The following MORN5 variants were observed in gnomAD, a reference collection of about 807,000 sequenced individuals.
The protein encoded by MORN5 is MORN repeat containing 5, also known as MORN repeat-containing protein 5.
MORN5 carries 21 observed loss-of-function variants against 22.1 expected under a neutral mutation model. The observed-to-expected ratio is 0.95, with a 90% CI of 0.67 to 1.37. The LOEUF is 1.37. MORN5 is among the 40% of genes most tolerant of loss of function. MORN5 has a pLI of 0.00. For synonymous variants in MORN5, 73 were observed against 74.0 expected (o/e 0.99, Z 0.07); for missense variants, 211 against 215.1 (o/e 0.98, Z 0.12).
intron 4 of MORN5, among the ~76,000 whole-genome samples, chr9:122,184,299 G>A (rs540637500): frequency 6.6e-6 from 1 of 152,264 alleles, no homozygotes; most frequent in Non-Finnish European, 1.5e-5. Context: ...GTTGAAAAAG[G>A]CATGGGTGAA....
At chr9:122,183,906 G>C (rs1320512374) in intron 4 of MORN5, among the ~76,000 whole-genome samples, 1 of 152,170 alleles carries the variant, frequency 6.6e-6, no homozygotes, top group African/African-American at 2.4e-5. Flanking sequence ...GAACCTGTGG[G>C]TTCCAGACAG....
intron 1 of MORN5, among the ~76,000 whole-genome samples, chr9:122,163,282 A>T (rs1829229516): frequency 6.6e-6 from 1 of 152,158 alleles, no homozygotes; most frequent in Non-Finnish European, 1.5e-5. Flanking sequence ...GATAGATATC[A>T]TTATCCTATT....
At chr9:122,180,562 A>T (rs2118766495) in intron 4 of MORN5, among the ~76,000 whole-genome samples, 1 of 152,140 alleles carries the variant, frequency 6.6e-6, no homozygotes, top group East Asian at 1.9e-4. Context: ...CTGGGATTAT[A>T]GGCATGAGCC....
At chr9:122,176,292 A>G (rs1184476782) in intron 4 of MORN5, among the ~76,000 whole-genome samples, 5 of 152,050 alleles carry the variant, frequency 3.3e-5, no homozygotes, top group Admixed American at 6.6e-5. Context: ...CATTTGCACA[A>G]TGCACTACTA....
At chr9:122,189,876 G>C (rs1829722264) in intron 4 of MORN5, among the ~76,000 whole-genome samples, 1 of 152,152 alleles carries the variant, frequency 6.6e-6, no homozygotes, top group African/African-American at 2.4e-5. Flanking sequence ...AAAGTGCTAG[G>C]ATTACAGGCG....
At position 122,193,249 on chromosome 9, in the gene MORN5, T is replaced by G. The variant is rs145348871; in HGVS notation, c.440-6636T>G. Among the ~76,000 whole-genome samples, 167 of 152,338 alleles carry G rather than the reference T, an allele frequency of 1.1e-3. 3 individuals carry two copies. The East Asian group carries it at 0.026, about 23-fold the overall frequency. ...ACTTATACATTTTTGGAAGAAATCC[T>G]AGAATAATACACTCATATTACATTT... On this transcript the variant is annotated intron_variant, in intron 4 of 4. Transcript: ENST00000373764.
intron 3 of MORN5, among the ~76,000 whole-genome samples, chr9:122,171,526 C>T (rs1829365887): frequency 6.6e-6 from 1 of 152,082 alleles, no homozygotes; most frequent in Non-Finnish European, 1.5e-5. Flanking sequence ...CACTTCTAAG[C>T]CTTCAACTAC....
At chr9:122,179,003 G>T (rs1220378923) in intron 4 of MORN5, among the ~76,000 whole-genome samples, 4 of 152,190 alleles carry the variant, frequency 2.6e-5, no homozygotes, top group African/African-American at 7.2e-5. Context: ...ACTCAGTAGG[G>T]ATTACTTTAC....
Position 122,169,768 on chromosome 9 carries a change from C to T in MORN5, c.307+12C>T. 1 of 1,540,394 alleles carries T rather than the reference C, an allele frequency of 6.5e-7. No individual in the cohort carries two copies. Among genetic ancestry groups the T allele is most frequent in the South Asian group, 1.1e-5 (1 of 89,622 alleles). On this transcript the variant is annotated intron_variant, in intron 3 of 4. Transcript: ENST00000373764. The stretch of plus-strand genomic sequence containing the variant: ...CTTGAAGCCTGCAGGTACCCAGGCA[C>T]CCACCCTTTCCTTCATACCCAAACT...
chr9:122,184,758 A>G (rs1012550076), intron 4 of MORN5, among the ~76,000 whole-genome samples: 1 of 152,182 alleles, frequency 6.6e-6, no homozygotes, highest in Non-Finnish European at 1.5e-5. Context: ...TTTACAGATG[A>G]TGAAACTGAG....
intron 4 of MORN5, among the ~76,000 whole-genome samples, chr9:122,199,306 G>A (rs960624966): frequency 1.3e-5 from 2 of 152,150 alleles, no homozygotes; most frequent in Non-Finnish European, 2.9e-5. Flanking sequence ...TGCCCATTGC[G>A]TGGTTGGTCA....
At chr9:122,171,921 T>C (rs1588303745) in intron 3 of MORN5, among the ~76,000 whole-genome samples, 1 of 149,666 alleles carries the variant, frequency 6.7e-6, no homozygotes. Context: ...CTTGAGGTCA[T>C]TCTCCATTCT....
intron 4 of MORN5, among the ~76,000 whole-genome samples, chr9:122,184,458 A>G (rs1435306272): frequency 6.6e-6 from 1 of 152,252 alleles, no homozygotes; most frequent in African/African-American, 2.4e-5. Flanking sequence ...AACTGGAAAC[A>G]TCCTCAGTGT....
intron 4 of MORN5, among the ~76,000 whole-genome samples, chr9:122,196,811 A>G (rs1829903085): frequency 6.6e-6 from 1 of 152,126 alleles, no homozygotes; most frequent in Non-Finnish European, 1.5e-5. Flanking sequence ...TACTATGTGT[A>G]CTTTTATTTC....
At chr9:122,161,172 G>A (rs928712856) in intron 1 of MORN5, among the ~76,000 whole-genome samples, 14 of 152,130 alleles carry the variant, frequency 9.2e-5, no homozygotes, top group Admixed American at 2.6e-4. Flanking sequence ...GCTAGTTGTC[G>A]GGACTGTGAA....
At chr9:122,189,984 A>G (rs78778447) in intron 4 of MORN5, among the ~76,000 whole-genome samples, 1 of 151,962 alleles carries the variant, frequency 6.6e-6, no homozygotes, top group Non-Finnish European at 1.5e-5. Context: ...GGACCTTCCT[A>G]AGAGATTTCC....
intron 3 of MORN5, among the ~76,000 whole-genome samples, chr9:122,170,166 C>T (rs1198890445): frequency 6.6e-6 from 1 of 152,032 alleles, no homozygotes; most frequent in African/African-American, 2.4e-5. Context: ...GGTGTGGTGG[C>T]ATGCCTGTAA....
intron 4 of MORN5, among the ~76,000 whole-genome samples, chr9:122,194,983 G>T (rs1829854832): frequency 6.6e-6 from 1 of 151,010 alleles, no homozygotes; most frequent in African/African-American, 2.4e-5. Flanking sequence ...TCGCGCCATT[G>T]CCCTCCAGCC....
At chr9:122,187,658 G>A (rs1022213780) in intron 4 of MORN5, among the ~76,000 whole-genome samples, 4 of 152,164 alleles carry the variant, frequency 2.6e-5, no homozygotes, top group Admixed American at 2.0e-4. Flanking sequence ...CCCACCCCTC[G>A]AAATATAGCT....
Sources: allele counts gnomAD v4.1 joint callset (sites outside exome capture counted in the v4.1 genomes callset), GRCh38; gene constraint gnomAD v4.1.1; transcripts MANE v1.5; gene names NCBI Gene and HGNC (gene_info 2026-07-23, HGNC 2026-07-21).